The following CLCC1 variants were observed in gnomAD, a reference collection of about 807,000 sequenced individuals.
CLCC1 encodes the protein chloride channel CLIC like 1.
CLCC1 carries 39 observed loss-of-function variants against 63.3 expected under a neutral mutation model. The observed-to-expected ratio is 0.62, with a 90% CI of 0.48 to 0.81. The LOEUF (loss-of-function observed/expected upper bound fraction) is 0.81. Among genes scored for constraint, CLCC1 ranks in the 30% least tolerant of loss-of-function variants. The pLI, the probability that CLCC1 is intolerant of heterozygous loss-of-function variation, is 0.00. For synonymous variants in CLCC1, 217 were observed against 239.8 expected (o/e 0.90, Z 0.88); for missense variants, 549 against 669.4 (o/e 0.82, Z 1.98).
At chr1:108,943,429 G>C (rs1481889630) in intron 7 of CLCC1, 46 bp downstream of exon 7, 2 of 1,577,388 alleles carry the variant, frequency 1.3e-6, no homozygotes, top group Non-Finnish European at 1.7e-6. Context: ...TTCTTTCATT[G>C]TGAATAAATG....
Position 108,931,640 on chromosome 1 carries a change from A to AAAC in CLCC1, c.*906_*907insGTT. The AAAC allele has an allele frequency of 8.9e-7, 1 of 1,121,448 alleles. No homozygotes were observed. 69.5% of individuals were successfully genotyped at this position (1,121,448 alleles called of 1,614,324 possible). ...TTAAGTGCTCAGCTAAAAAAAAAAA[A>AAAC]AAAGTTCTAAATTACAACCTGGATT... On this transcript the variant is annotated 3_prime_UTR_variant, in exon 13 of 13. Transcript: ENST00000369969.
chr1:108,960,532 T>TA, intron 2 of CLCC1, among the ~76,000 whole-genome samples: 1 of 152,258 alleles, frequency 6.6e-6, no homozygotes, highest in South Asian at 2.1e-4. Flanking sequence ...AGGGAGTGTG[T>TA]AAACTGGAGA....
intron 2 of CLCC1, among the ~76,000 whole-genome samples, chr1:108,956,652 C>T (rs1464729948): frequency 8.6e-6 from 1 of 116,460 alleles, no homozygotes; most frequent in Non-Finnish European, 1.8e-5. Context: ...CACAGCGAGA[C>T]TCCGTCTCAA....
intron 10 of CLCC1, 122 bp from the exon 11 acceptor site, chr1:108,937,540 C>T: frequency 1.2e-6 from 1 of 828,936 alleles, no homozygotes; most frequent in Non-Finnish European, 1.8e-6. Flanking sequence ...CATTTATAGA[C>T]ATAAACATGT....
At chr1:108,934,496 G>GTGTT (rs1380424330) in intron 12 of CLCC1, 129 bp downstream of exon 12, 2 of 664,458 alleles carry the variant, frequency 3.0e-6, no homozygotes, top group Non-Finnish European at 4.9e-6. Flanking sequence ...CATATATAAC[G>GTGTT]TGTTTGTTAA....
At chr1:108,948,827 T>A (rs1571054597) in intron 4 of CLCC1, among the ~76,000 whole-genome samples, 1 of 151,636 alleles carries the variant, frequency 6.6e-6, no homozygotes, top group East Asian at 1.9e-4. Flanking sequence ...AGTGAAGCAA[T>A]TTTTTTTTCC....
At chr1:108,958,300 A>T (rs1484944082) in intron 2 of CLCC1, among the ~76,000 whole-genome samples, 4 of 151,422 alleles carry the variant, frequency 2.6e-5, no homozygotes, top group Non-Finnish European at 4.4e-5. Context: ...CCAGAAGTAA[A>T]CAGTTCCTAA....
At chr1:108,934,319 C>T (rs1652515657) in intron 12 of CLCC1, 1 of 218,244 alleles carries the variant, frequency 4.6e-6, no homozygotes, top group Non-Finnish European at 9.2e-6. Flanking sequence ...TAGTGGGTTC[C>T]CGTAAGTGCC....
chr1:108,938,097 G>A (rs982652407), intron 10 of CLCC1, among the ~76,000 whole-genome samples: 6 of 152,158 alleles, frequency 3.9e-5, no homozygotes, highest in East Asian at 1.9e-4. Flanking sequence ...GCATGCTTGC[G>A]TGTACAGTAC....
At chr1:108,950,027 A>G (rs1654996283) in intron 3 of CLCC1, 106 bp from the exon 4 acceptor site, 1 of 741,556 alleles carries the variant, frequency 1.3e-6, no homozygotes. Flanking sequence ...ATGACTCTGC[A>G]TGTTATATTC....
rs183909835 is a variant in CLCC1 at position 108,943,809 on chromosome 1, G to A, written c.561+27C>T. On this transcript the variant is annotated intron_variant, in intron 6 of 12. Coordinates refer to ENST00000369969, the MANE Select transcript of CLCC1 (RefSeq NM_001377458.1). ...TATTTTAAAAAGGAAACTTAATGACGTTGCCCTTGCCCTCATCCCATCTTA... is the reference window on the plus strand; with the variant it reads ...TATTTTAAAAAGGAAACTTAATGACATTGCCCTTGCCCTCATCCCATCTTA... 38 of 1,542,496 alleles carry A rather than the reference G, an allele frequency of 2.5e-5. No individual in the cohort carries two copies. In the East Asian group the frequency reaches 7.0e-4, roughly 28 times the overall value.
At position 108,930,708 on chromosome 1, in the gene CLCC1, G is replaced by A. The variant is rs1651802140; in HGVS notation, c.*1839C>T. ...GTTTGAGACCAGCCTGGCCAACATA[G>A]TGAAACCCTGTCTCTACTAAAAATA... On this transcript the variant is annotated 3_prime_UTR_variant, in exon 13 of 13. Transcript: ENST00000369969. The A allele has an allele frequency of 6.6e-6, 1 of 152,454 alleles. No individual in the cohort carries two copies. Among genetic ancestry groups the A allele is most frequent in the Non-Finnish European group, 1.5e-5 (1 of 68,272 alleles). 9.4% of individuals were successfully genotyped at this position (152,454 alleles called of 1,614,324 possible).
chr1:108,943,600 GCAGA>G lies in CLCC1; in HGVS notation c.573_576del (p.Leu192SerfsTer6), dbSNP rs750440110. On this transcript the variant is annotated frameshift_variant, in exon 7 of 13. Transcript: ENST00000369969. LOFTEE classifies it high-confidence loss of function. ...GTAGCCACTAAAACCACGATGCAGA[GCAGA>G]CAAAGAAGTACCTTAAAACAGAGAG... 28 of 1,596,164 alleles carry G rather than the reference GCAGA, an allele frequency of 1.8e-5. No homozygotes were observed. The highest frequency in any genetic ancestry group is 5.2e-5 in the Admixed American group (3 of 57,730).
chr1:108,955,090 CCG>C (rs1461690989), intron 2 of CLCC1, among the ~76,000 whole-genome samples: 1 of 151,022 alleles, frequency 6.6e-6, no homozygotes, highest in Admixed American at 6.6e-5. Flanking sequence ...GGTGATCCAC[CCG>C]CCTTGGCCTC....
At chr1:108,940,955 G>C (rs1265800535) in intron 8 of CLCC1, among the ~76,000 whole-genome samples, 2 of 151,820 alleles carry the variant, frequency 1.3e-5, no homozygotes, top group African/African-American at 4.8e-5. Flanking sequence ...AAATGTGAAA[G>C]AATAAAAAAA....
chr1:108,960,629 T>C (rs539086767), intron 2 of CLCC1, among the ~76,000 whole-genome samples: 1 of 152,122 alleles, frequency 6.6e-6, no homozygotes, highest in East Asian at 1.9e-4. Context: ...TAAATAGAAA[T>C]GAATGAAGAT....
chr1:108,932,612 T>TATCA (rs1284889923), intron 12 of CLCC1, 111 bp from the exon 13 acceptor site: 4 of 152,366 alleles, frequency 2.6e-5, no homozygotes, highest in Non-Finnish European at 4.4e-5. Flanking sequence ...AGTTACAGTC[T>TATCA]ATCACCTGGG....
At chr1:108,950,665 C>T (rs750722134) in intron 2 of CLCC1, among the ~76,000 whole-genome samples, 2 of 151,856 alleles carry the variant, frequency 1.3e-5, no homozygotes, top group Non-Finnish European at 2.9e-5. Flanking sequence ...TGTGCCACCA[C>T]ACCTGGATAA....
In CLCC1 at chr1:108,931,628, T is replaced by TAAAA. The variant is rs71593448; in HGVS notation, c.*915_*918dup. ...GAATTAATTACATTAAGTGCTCAGC[T>TAAAA]AAAAAAAAAAAAAAAGTTCTAAATT... On this transcript the variant is annotated 3_prime_UTR_variant, in exon 13 of 13. Transcript: ENST00000369969. The TAAAA allele has an allele frequency of 3.9e-4, 318 of 811,004 alleles. No individual in the cohort carries two copies. Among genetic ancestry groups the TAAAA allele is most frequent in the Middle Eastern group, 1.3e-3 (3 of 2,286 alleles). The allele number at this position is 811,004 out of a possible 1,614,324, so 50.2% of individuals were successfully genotyped here. A position where few individuals can be genotyped will look rare whatever the true frequency, so the allele number is the denominator to read the frequency against.
Sources: gnomAD v4.1 joint callset for allele counts (sites outside exome capture counted in the v4.1 genomes callset) on GRCh38, gnomAD v4.1.1 for gene constraint, MANE v1.5 for transcripts, NCBI Gene and HGNC (gene_info 2026-07-23, HGNC 2026-07-21) for gene names.